Variants in FAM184B observed in about 807,000 individuals in gnomAD.
FAM184B encodes family with sequence similarity 184 member B, also known as protein FAM184B.
A neutral mutation model predicts 135.9 loss-of-function variants in FAM184B; 111 were observed. The observed-to-expected ratio is 0.82, with a 90% CI of 0.70 to 0.96. The LOEUF (loss-of-function observed/expected upper bound fraction) is 0.96. FAM184B is among the 40% of genes least tolerant of loss of function. The probability of loss-of-function intolerance (pLI) is 0.00; values close to 1 mark genes in which losing one functional copy is unlikely to be tolerated. For synonymous variants in FAM184B, 552 were observed against 524.8 expected (o/e 1.05, Z -0.71); for missense variants, 1,375 against 1,323.9 (o/e 1.04, Z -0.60).
At chr4:17,657,555 T>C (rs6844985) in intron 10 of FAM184B, among the ~76,000 whole-genome samples, 4,639 of 152,164 alleles carry the variant, frequency 0.03, 221 homozygotes, top group African/African-American at 0.11. Flanking sequence ...TAGAAGGCGC[T>C]GGATGAAACA....
chr4:17,716,344 TTTTG>T (rs1194324121), intron 1 of FAM184B, among the ~76,000 whole-genome samples: 1 of 152,120 alleles, frequency 6.6e-6, no homozygotes, highest in Non-Finnish European at 1.5e-5. Flanking sequence ...TCCCAGGTTT[TTTTG>T]TTTGTTTGTT....
intron 1 of FAM184B, among the ~76,000 whole-genome samples, chr4:17,719,878 G>C (rs1717478759): frequency 6.6e-6 from 1 of 152,148 alleles, no homozygotes; most frequent in Non-Finnish European, 1.5e-5. Context: ...ACAATACCCA[G>C]TTCTCAGTCT....
intron 1 of FAM184B, among the ~76,000 whole-genome samples, chr4:17,730,191 G>A (rs773942984): frequency 3.3e-5 from 5 of 152,174 alleles, no homozygotes; most frequent in African/African-American, 4.8e-5. Context: ...TGAATGAAAT[G>A]AAGCGAGAAG....
chr4:17,662,990 C>G (rs1225991439), intron 8 of FAM184B, among the ~76,000 whole-genome samples: 1 of 152,164 alleles, frequency 6.6e-6, no homozygotes, highest in Non-Finnish European at 1.5e-5. Context: ...GGCTGGAGTA[C>G]AGTGGTGTGA....
chr4:17,660,234 A>T lies in FAM184B; in HGVS notation c.1695-147T>A, dbSNP rs1715882864. 3 of 894,506 alleles carry T rather than the reference A, an allele frequency of 3.4e-6. No individual in the cohort carries two copies. In the East Asian group the frequency reaches 8.0e-5, roughly 24 times the overall value. The allele number at this position is 894,506 out of a possible 1,614,324, so 55.4% of individuals were successfully genotyped here. ...TTAGAAACATCTTGCTTGGCTTTCA[A>T]AAAGCAACCTGCCATATAAAGTGTA... On this transcript the variant is annotated intron_variant, in intron 8 of 17. Coordinates refer to ENST00000265018, the MANE Select transcript of FAM184B (RefSeq NM_015688.2).
rs113521255 is a variant in FAM184B at position 17,640,257 on chromosome 4, G to C, written c.2520-861C>G. ...GGAGGCCAAGGCGGGAGGATCACGAGGACAGGAGTTCGAGACCAGCCTGAC... is the reference window on the plus strand; with the variant it reads ...GGAGGCCAAGGCGGGAGGATCACGACGACAGGAGTTCGAGACCAGCCTGAC... On this transcript the variant is annotated intron_variant, in intron 13 of 17. Coordinates refer to ENST00000265018, the MANE Select transcript of FAM184B (RefSeq NM_015688.2). 4.9e-3 allele frequency among the ~76,000 whole-genome samples: 731 copies of C among 150,444 alleles called. 8 individuals are homozygous for C. The highest frequency in any genetic ancestry group is 8.1e-3 in the Non-Finnish European group (550 of 67,714).
At chr4:17,769,071 G>C (rs1718760901) in intron 1 of FAM184B, among the ~76,000 whole-genome samples, 2 of 152,250 alleles carry the variant, frequency 1.3e-5, no homozygotes, top group South Asian at 4.1e-4. Context: ...CCAAAGTGCT[G>C]AGATTACAGG....
chr4:17,681,887 C>T (rs1279237663), intron 7 of FAM184B, among the ~76,000 whole-genome samples: 5 of 152,178 alleles, frequency 3.3e-5, no homozygotes, highest in African/African-American at 1.2e-4. Context: ...CAGAAAGCTT[C>T]CTCTCCCATA....
At chr4:17,669,100 A>G (rs935213999) in intron 7 of FAM184B, among the ~76,000 whole-genome samples, 1 of 152,180 alleles carries the variant, frequency 6.6e-6, no homozygotes, top group Non-Finnish European at 1.5e-5. Context: ...TCTTTACTCT[A>G]TGTAACTAGA....
At chr4:17,748,094 A>G (rs564830107) in intron 1 of FAM184B, among the ~76,000 whole-genome samples, 299 of 110,166 alleles carry the variant, frequency 2.7e-3, no homozygotes, top group Middle Eastern at 0.015. Flanking sequence ...ACAGAGAAAG[A>G]CTCCGTCTGA....
At chr4:17,648,436 T>C (rs1304808120) in intron 11 of FAM184B, among the ~76,000 whole-genome samples, 1 of 151,798 alleles carries the variant, frequency 6.6e-6, no homozygotes, top group Non-Finnish European at 1.5e-5. Flanking sequence ...AGCCTCCACC[T>C]CCCAGGTTCA....
chr4:17,669,700 A>G lies in FAM184B; in HGVS notation c.1597-5041T>C, dbSNP rs551834594. ...CCCTCTAACGATAGAGCCTGAAAAC[A>G]TAAGGCAAAATGTGCATATCTGTAG... On this transcript the variant is annotated intron_variant, in intron 7 of 17. Transcript: ENST00000265018. Among the ~76,000 whole-genome samples, 3 of 152,364 alleles carry G rather than the reference A, an allele frequency of 2.0e-5. No homozygotes were observed. The East Asian group carries it at 5.8e-4, about 29-fold the overall frequency.
chr4:17,634,190 AC>A, intron 16 of FAM184B: 1 of 244,754 alleles, frequency 4.1e-6, no homozygotes, highest in Non-Finnish European at 7.7e-6. Flanking sequence ...GGATGGGCCC[AC>A]CCTAGCCTCA....
chr4:17,662,634 G>A (rs1048740425), intron 8 of FAM184B, among the ~76,000 whole-genome samples: 3 of 152,198 alleles, frequency 2.0e-5, no homozygotes, highest in African/African-American at 4.8e-5. Context: ...CACTGTGCCC[G>A]GCAATGTTTT....
intron 1 of FAM184B, among the ~76,000 whole-genome samples, chr4:17,759,979 G>A (rs1718508999): frequency 6.6e-6 from 1 of 152,182 alleles, no homozygotes; most frequent in South Asian, 2.1e-4. Context: ...GACTGTGGCA[G>A]CCGCTGATGT....
chr4:17,659,509 C>T (rs1227083616), intron 9 of FAM184B, among the ~76,000 whole-genome samples: 3 of 151,902 alleles, frequency 2.0e-5, no homozygotes, highest in African/African-American at 7.3e-5. Context: ...CTTTTTGAGA[C>T]AGAGTCTTGC....
At chr4:17,768,551 A>G (rs1330641695) in intron 1 of FAM184B, among the ~76,000 whole-genome samples, 1 of 152,214 alleles carries the variant, frequency 6.6e-6, no homozygotes, top group Non-Finnish European at 1.5e-5. Context: ...CTGGGATTAC[A>G]GGCATGAGCC....
intron 1 of FAM184B, among the ~76,000 whole-genome samples, chr4:17,721,409 T>G (rs1397964882): frequency 6.7e-5 from 3 of 45,016 alleles, no homozygotes; most frequent in South Asian, 1.6e-3. Context: ...AAAAAAAATC[T>G]CTTTGCCCTA....
In FAM184B at chr4:17,688,548, G is replaced by T; in HGVS notation, c.1489-17C>A. On this transcript the variant is annotated splice_polypyrimidine_tract_variant and intron_variant, in intron 6 of 17. Coordinates refer to ENST00000265018, the MANE Select transcript of FAM184B (RefSeq NM_015688.2). ...CCTTAAAACCTAAAACAGGAGATAA[G>T]AAACACCACACAATGAAACCAGGTT... 3.9e-6 allele frequency: 6 copies of T among 1,524,126 alleles called. No individual in the cohort carries two copies. Among genetic ancestry groups the T allele is most frequent in the Non-Finnish European group, 3.5e-6 (4 of 1,127,958 alleles). The allele number at this position is 1,524,126 out of a possible 1,614,324, so 94.4% of individuals were successfully genotyped here. A position where few individuals can be genotyped will look rare whatever the true frequency, so the allele number is the denominator to read the frequency against.
Sources: allele counts gnomAD v4.1 joint callset (sites outside exome capture counted in the v4.1 genomes callset), GRCh38; gene constraint gnomAD v4.1.1; transcripts MANE v1.5; gene names NCBI Gene and HGNC (gene_info 2026-07-23, HGNC 2026-07-21).